Variants in DNAJA1 observed in about 807,000 individuals in gnomAD.
DNAJA1 encodes the protein dnaJ homolog subfamily A member 1.
Under a neutral mutation model 47.6 loss-of-function variants are expected in DNAJA1, and 26 were observed. The ratio of observed to expected loss-of-function variants is 0.55; its 90% confidence interval spans 0.40 to 0.76. DNAJA1 has a LOEUF of 0.76. Ranked by LOEUF, DNAJA1 falls within the 30% of genes least tolerant of loss-of-function variation. The pLI is 0.00. For missense variants in DNAJA1, 315 were observed against 485.0 expected (o/e 0.65, Z 3.29); for synonymous variants, 165 against 158.4 (o/e 1.04, Z -0.31).
chr9:33,034,390 T>G, intron 6 of DNAJA1, 60 bp downstream of exon 6: 1 of 1,237,916 alleles, frequency 8.1e-7, no homozygotes, highest in South Asian at 1.4e-5. Context: ...TGGTTTTGTT[T>G]TTTGTTTTTT....
intron 1 of DNAJA1, among the ~76,000 whole-genome samples, chr9:33,025,599 C>T (rs12376749): frequency 0.07 from 10,722 of 152,184 alleles, 512 homozygotes; most frequent in Non-Finnish European, 0.11. Context: ...CCTAGACCTC[C>T]CTCCTTCCCC....
At chr9:33,032,091 A>G (rs1001577608) in intron 5 of DNAJA1, among the ~76,000 whole-genome samples, 26 of 152,364 alleles carry the variant, frequency 1.7e-4, no homozygotes, top group African/African-American at 6.0e-4. Context: ...TGGGTCTACT[A>G]TTATACTGTA....
At chr9:33,025,976 A>G (rs1838828045) in intron 1 of DNAJA1, among the ~76,000 whole-genome samples, 1 of 152,182 alleles carries the variant, frequency 6.6e-6, no homozygotes, top group African/African-American at 2.4e-5. Context: ...AGAAGCTGTA[A>G]GCCGTGGGCG....
chr9:33,026,678 A>G lies in DNAJA1; in HGVS notation c.132+62A>G, dbSNP rs1256279463. ...TCTTTGCCAGACGTATAGTATTTCT[A>G]TTATGGCCTGAAATCGAGTATCTAA... On this transcript the variant is annotated intron_variant, in intron 2 of 8. Coordinates refer to ENST00000330899, the MANE Select transcript of DNAJA1 (RefSeq NM_001539.4). 23 of 1,569,444 alleles carry G rather than the reference A, an allele frequency of 1.5e-5. No individual in the cohort carries two copies. The East Asian group carries it at 3.1e-4, about 21-fold the overall frequency.
chr9:33,030,156 C>T (rs1838938175), intron 4 of DNAJA1, among the ~76,000 whole-genome samples, 167 bp downstream of exon 4: 1 of 152,052 alleles, frequency 6.6e-6, no homozygotes, highest in South Asian at 2.1e-4. Context: ...TGAAAACCTC[C>T]CACCTAAAGA....
intron 4 of DNAJA1, 53 bp from the exon 5 acceptor site, chr9:33,030,387 C>G: frequency 6.6e-7 from 1 of 1,504,126 alleles, no homozygotes; most frequent in Non-Finnish European, 9.1e-7. Context: ...AAAACATTTA[C>G]TACTGTATAC....
At position 33,029,917 on chromosome 9, in the gene DNAJA1, C is replaced by G. The variant is rs760438476; in HGVS notation, c.343C>G (p.Leu115Val). The G allele has an allele frequency of 4.3e-6, 7 of 1,612,086 alleles. No homozygotes were observed. The highest frequency in any genetic ancestry group is 2.7e-5 in the African/African-American group (2 of 74,852). ...KNVVHQLSVTLEDLYNGATRK... is the reference protein window; with the variant it reads ...KNVVHQLSVTVEDLYNGATRK... Reference sequence around the variant, plus strand: ...TGTTGTACATCAGCTCTCAGTAACCCTAGAAGACTTATATAATGGTGCAAC... The same window carrying G: ...TGTTGTACATCAGCTCTCAGTAACCGTAGAAGACTTATATAATGGTGCAAC... Residue 115 changes from leucine to valine, a missense_variant, in exon 4 of 9, where the codon CTA becomes GTA. By Grantham distance (32) the Leu-to-Val change is conservative. Around this residue, in one of 4 missense-constraint regions of DNAJA1, gnomAD observed 100 missense variants for 163.0 expected, o/e 0.61. Coordinates refer to ENST00000330899, the MANE Select transcript of DNAJA1 (RefSeq NM_001539.4).
rs971107715 is a variant in DNAJA1 at position 33,039,239 on chromosome 9, A to G, written c.*336A>G. 8.4e-6 allele frequency: 2 copies of G among 237,966 alleles called. No individual in the cohort carries two copies. The highest frequency in any genetic ancestry group is 1.7e-5 in the Non-Finnish European group (2 of 119,820). The allele number at this position is 237,966 out of a possible 1,614,324, so 14.7% of individuals were successfully genotyped here. ...TAGGTATATGTATTGGCTTCAGTGT[A>G]TGACCCTTCATTGTTAAGCTATGAA... On this transcript the variant is annotated 3_prime_UTR_variant, in exon 9 of 9. Transcript: ENST00000330899.
At chr9:33,037,258 G>A (rs1219137606) in intron 8 of DNAJA1, 143 bp downstream of exon 8, 1 of 567,726 alleles carries the variant, frequency 1.8e-6, no homozygotes, top group East Asian at 3.1e-5. Context: ...GATCCCTTGA[G>A]CCCTGGAGTT....
At chr9:33,030,319 T>C in intron 4 of DNAJA1, 121 bp from the exon 5 acceptor site, 1 of 875,626 alleles carries the variant, frequency 1.1e-6, no homozygotes, top group South Asian at 1.8e-5. Context: ...ATTCAGAGGG[T>C]AGCATTCCAT....
chr9:33,030,714 TTTA>T (rs764237868), intron 5 of DNAJA1, 47 bp downstream of exon 5: 44 of 1,440,218 alleles, frequency 3.1e-5, no homozygotes, highest in Middle Eastern at 1.8e-4. Flanking sequence ...CTGTGGCAGA[TTTA>T]TTATTAACAT....
intron 5 of DNAJA1, among the ~76,000 whole-genome samples, chr9:33,031,656 C>G (rs1276788697): frequency 6.6e-6 from 1 of 152,078 alleles, no homozygotes; most frequent in Admixed American, 6.6e-5. Flanking sequence ...GTCTCAAACT[C>G]TTGACCTCAA....
chr9:33,026,284 T>TA (rs1838845718), intron 1 of DNAJA1, among the ~76,000 whole-genome samples, 191 bp from the exon 2 acceptor site: 2 of 152,262 alleles, frequency 1.3e-5, no homozygotes, highest in African/African-American at 4.8e-5. Flanking sequence ...TATTTCCCGA[T>TA]AATGATTATT....
At chr9:33,025,972 T>C (rs1177938587) in intron 1 of DNAJA1, among the ~76,000 whole-genome samples, 29 of 152,172 alleles carry the variant, frequency 1.9e-4, no homozygotes, top group Admixed American at 1.9e-3. Flanking sequence ...CTGGAGAAGC[T>C]GTAAGCCGTG....
intron 6 of DNAJA1, 109 bp from the exon 7 acceptor site, chr9:33,036,465 T>C (rs1839034214): frequency 4.9e-6 from 3 of 613,530 alleles, no homozygotes; most frequent in Non-Finnish European, 8.5e-6. Flanking sequence ...AAGAAAAGGG[T>C]GTCTTTGTAA....
chr9:33,028,963 T>C lies in DNAJA1; in HGVS notation c.311-922T>C, dbSNP rs546960037. 5.3e-5 allele frequency among the ~76,000 whole-genome samples: 8 copies of C among 152,332 alleles called. No individual in the cohort carries two copies. In the South Asian group the frequency reaches 6.2e-4, roughly 12 times the overall value. On this transcript the variant is annotated intron_variant, in intron 3 of 8. Transcript: ENST00000330899. Reference sequence around the variant, plus strand: ...TTCAGTTGGTGGAAAGGCAATAATATTGTTGTGAATAAGTCCTTGTGGAAG... The same window carrying C: ...TTCAGTTGGTGGAAAGGCAATAATACTGTTGTGAATAAGTCCTTGTGGAAG...
intron 1 of DNAJA1, 83 bp from the exon 2 acceptor site, chr9:33,026,392 A>G: frequency 1.4e-6 from 2 of 1,474,522 alleles, no homozygotes; most frequent in South Asian, 1.3e-5. Context: ...CGGATTTTGC[A>G]AAGAGATTGC....
chr9:33,026,034 C>A (rs556845106), intron 1 of DNAJA1, among the ~76,000 whole-genome samples: 2 of 152,142 alleles, frequency 1.3e-5, no homozygotes, highest in Non-Finnish European at 1.5e-5. Flanking sequence ...ATAAACCACT[C>A]CCCCCCACCA....
Position 33,030,014 on chromosome 9 carries a change from T to C in DNAJA1, c.415+25T>C, listed in dbSNP as rs768879330. On this transcript the variant is annotated intron_variant, in intron 4 of 8. Transcript: ENST00000330899. ...GGTACGGTGTTTTTTTGTTTTGTTTTGTTTTGTTTTTAAGCACCTTTAATA... is the reference window on the plus strand; with the variant it reads ...GGTACGGTGTTTTTTTGTTTTGTTTCGTTTTGTTTTTAAGCACCTTTAATA... The C allele has an allele frequency of 2.5e-6, 4 of 1,601,500 alleles. No individual in the cohort carries two copies. In the African/African-American group the frequency reaches 5.4e-5, roughly 22 times the overall value.
Sources: gnomAD v4.1 joint callset for allele counts (sites outside exome capture counted in the v4.1 genomes callset) on GRCh38, gnomAD v4.1.1 for gene constraint, gnomAD v4.1.1 regional missense constraint, MANE v1.5 for transcripts, NCBI Gene and HGNC (gene_info 2026-07-23, HGNC 2026-07-21) for gene names.